Variants in PLAG1 observed in about 807,000 individuals in gnomAD.
The protein encoded by PLAG1 is zinc finger protein PLAG1.
PLAG1 carries 7 observed loss-of-function variants against 35.5 expected under a neutral mutation model. The observed-to-expected ratio is 0.20, with a 90% CI of 0.11 to 0.37. PLAG1 has a LOEUF of 0.37. Ranked by LOEUF, PLAG1 falls within the 10% of genes least tolerant of loss-of-function variation. PLAG1 has a pLI of 1.00. For synonymous variants in PLAG1, 229 were observed against 225.4 expected, an observed-to-expected ratio of 1.02 and a Z score of -0.14; for missense variants, 454 against 602.8, an observed-to-expected ratio of 0.75 and a Z score of 2.58.
At position 56,161,626 on chromosome 8, in the gene PLAG1, A is replaced by G. The variant is rs956366249; in HGVS notation, c.*4617T>C. 1 of 228,282 alleles carries G rather than the reference A, an allele frequency of 4.4e-6. No individual in the cohort carries two copies. Among genetic ancestry groups the G allele is most frequent in the Non-Finnish European group, 8.7e-6 (1 of 114,652 alleles). 14.1% of individuals were successfully genotyped at this position (228,282 alleles called of 1,614,324 possible). On this transcript the variant is annotated 3_prime_UTR_variant, in exon 5 of 5. Transcript: ENST00000316981. ...CCGAGATCTCCTTTTGCAAGTGCAC[A>G]TGAATACATTGTGGTGGTGTAAAAG...
chr8:56,196,413 TAC>T (rs920951001), intron 1 of PLAG1, among the ~76,000 whole-genome samples: 2 of 152,186 alleles, frequency 1.3e-5, no homozygotes, highest in African/African-American at 4.8e-5. Flanking sequence ...CTCCGCTGTA[TAC>T]TTCCAGCATT....
At chr8:56,189,898 G>A (rs1370114404) in intron 1 of PLAG1, among the ~76,000 whole-genome samples, 1 of 152,130 alleles carries the variant, frequency 6.6e-6, no homozygotes, top group Non-Finnish European at 1.5e-5. Flanking sequence ...TAAGGAAAGT[G>A]GTGGGAAGGG....
chr8:56,168,238 T>C lies in PLAG1; in HGVS notation c.32A>G (p.Glu11Gly). Residue 11 changes from glutamate (E) to glycine (G), a missense_variant, in exon 4 of 5, where the codon GAA (glutamate) becomes GGA (glycine). This residue lies in a region of PLAG1 where 4 missense variants were observed against 23.6 expected (regional missense o/e 0.17). Transcript: ENST00000316981. The part of the protein sequence containing the change: MATVIPGDLS[E>G]VRDTQKVPSG... ...AGGGACTTTCTGGGTATCTCTTACTTCTGACAAATCACCAGGAATGACAGT... is the reference window on the plus strand; with the variant it reads ...AGGGACTTTCTGGGTATCTCTTACTCCTGACAAATCACCAGGAATGACAGT... The C allele has an allele frequency of 6.2e-7, 1 of 1,613,452 alleles. No homozygotes were observed. Among genetic ancestry groups the C allele is most frequent in the South Asian group, 1.1e-5 (1 of 91,026 alleles).
intron 1 of PLAG1, among the ~76,000 whole-genome samples, chr8:56,183,257 T>C (rs1208427133): frequency 6.6e-6 from 1 of 152,206 alleles, no homozygotes; most frequent in Non-Finnish European, 1.5e-5. Context: ...TATGTTGACC[T>C]GATAATTCAT....
chr8:56,206,035 TTC>T (rs1209562595), intron 1 of PLAG1, among the ~76,000 whole-genome samples: 2 of 152,018 alleles, frequency 1.3e-5, no homozygotes, highest in African/African-American at 4.8e-5. Flanking sequence ...AATAAGATAT[TTC>T]TGTTTTATAA....
At chr8:56,170,164 C>G (rs1811479223) in intron 3 of PLAG1, among the ~76,000 whole-genome samples, 1 of 152,208 alleles carries the variant, frequency 6.6e-6, no homozygotes, top group African/African-American at 2.4e-5. Flanking sequence ...GTAAGTTCAT[C>G]AGTACTTGCT....
chr8:56,206,850 T>C (rs908238479), intron 1 of PLAG1, among the ~76,000 whole-genome samples: 2 of 152,032 alleles, frequency 1.3e-5, no homozygotes, highest in Admixed American at 6.5e-5. Flanking sequence ...AGGGATGATT[T>C]ATAGCCCTTT....
intron 1 of PLAG1, among the ~76,000 whole-genome samples, chr8:56,197,288 G>A (rs1309430793): frequency 1.3e-5 from 2 of 152,038 alleles, no homozygotes; most frequent in Non-Finnish European, 2.9e-5. Context: ...GTGCGTCTCC[G>A]CTCACATCCT....
intron 1 of PLAG1, among the ~76,000 whole-genome samples, chr8:56,189,030 C>A (rs1812102744): frequency 6.6e-6 from 1 of 152,186 alleles, no homozygotes; most frequent in Non-Finnish European, 1.5e-5. Context: ...TAAGCTCTAT[C>A]AGAACAGGAT....
intron 1 of PLAG1, among the ~76,000 whole-genome samples, chr8:56,187,113 C>T (rs1278722430): frequency 6.6e-6 from 1 of 152,174 alleles, no homozygotes; most frequent in Non-Finnish European, 1.5e-5. Context: ...AAAGTCCCAG[C>T]CTCCTCCTTC....
chr8:56,199,294 G>A (rs2129233712), intron 1 of PLAG1, among the ~76,000 whole-genome samples: 1 of 152,330 alleles, frequency 6.6e-6, no homozygotes, highest in South Asian at 2.1e-4. Flanking sequence ...GAATCCTGCA[G>A]AAAGGCAAGT....
chr8:56,194,576 GGT>G (rs796716146), intron 1 of PLAG1, among the ~76,000 whole-genome samples: 14 of 149,254 alleles, frequency 9.4e-5, no homozygotes, highest in East Asian at 2.0e-4. Flanking sequence ...CTCAGCACTG[GGT>G]GTGTGTGTGT....
intron 1 of PLAG1, among the ~76,000 whole-genome samples, chr8:56,184,654 C>A (rs1310138744): frequency 6.6e-6 from 1 of 152,168 alleles, no homozygotes; most frequent in Non-Finnish European, 1.5e-5. Context: ...AATCCCAGCA[C>A]TCTGGGAGGC....
intron 1 of PLAG1, among the ~76,000 whole-genome samples, chr8:56,200,455 A>G (rs1812516673): frequency 6.6e-6 from 1 of 152,206 alleles, no homozygotes; most frequent in Admixed American, 6.5e-5. Flanking sequence ...ACATATTCAC[A>G]TTTCTGTAAC....
intron 1 of PLAG1, among the ~76,000 whole-genome samples, chr8:56,197,840 G>C (rs1585819473): frequency 6.6e-6 from 1 of 152,196 alleles, no homozygotes; most frequent in Non-Finnish European, 1.5e-5. Flanking sequence ...CAGGAGGTCT[G>C]TCTGTACTTG....
Position 56,166,362 on chromosome 8 carries a change from C to G in PLAG1, c.1384G>C (p.Asp462His). The stretch of plus-strand genomic sequence containing the variant: ...ATAGTGTTTGCAGGATCCTGAAGAT[C>G]CTGTGTTTGTGGGGGGAGCTGGGAA... ...SVSQLPPQTQ[D>H]LQDPANTIGL... Residue 462 changes from aspartate to histidine, a missense_variant, in exon 5 of 5, where the codon GAT becomes CAT. Transcript: ENST00000316981. The G allele has an allele frequency of 6.2e-7, 1 of 1,613,918 alleles. No individual in the cohort carries two copies. The highest frequency in any genetic ancestry group is 8.5e-7 in the Non-Finnish European group (1 of 1,179,902).
At chr8:56,177,092 T>C (rs773225818) in intron 2 of PLAG1, among the ~76,000 whole-genome samples, 1 of 152,190 alleles carries the variant, frequency 6.6e-6, no homozygotes, top group Non-Finnish European at 1.5e-5. Context: ...TACTTATCTA[T>C]AAAAGCTCAA....
chr8:56,190,386 T>C (rs920211286), intron 1 of PLAG1, among the ~76,000 whole-genome samples: 50 of 152,086 alleles, frequency 3.3e-4, no homozygotes, highest in African/African-American at 1.1e-3. Flanking sequence ...TGCTCTAAGG[T>C]CACAGAAGCC....
rs1257704811 is a variant in PLAG1 at position 56,194,719 on chromosome 8, G to T, written c.-321-15206C>A. Among the ~76,000 whole-genome samples, 3 of 152,076 alleles carry T rather than the reference G, an allele frequency of 2.0e-5. No individual in the cohort carries two copies. In the East Asian group the frequency reaches 5.8e-4, roughly 29 times the overall value. ...ATGAAACCTTTGCCAAAGTTGCTTC[G>T]GGGGAGTGGTGAGGCAGGAGTCTGC... On this transcript the variant is annotated intron_variant, in intron 1 of 4. Coordinates refer to ENST00000316981, the MANE Select transcript of PLAG1 (RefSeq NM_002655.3).
Sources: allele counts gnomAD v4.1 joint callset (sites outside exome capture counted in the v4.1 genomes callset), GRCh38; gene constraint gnomAD v4.1.1; regional missense constraint gnomAD v4.1.1; transcripts MANE v1.5; gene names NCBI Gene and HGNC (gene_info 2026-07-23, HGNC 2026-07-21).